PCDHGA5: variants seen among roughly 807,000 people sequenced by gnomAD.
PCDHGA5 encodes protocadherin gamma subfamily A, 5.
PCDHGA5 carries 36 observed loss-of-function variants against 56.7 expected under a neutral mutation model. That is an observed-to-expected ratio of 0.64 (90% CI 0.49 to 0.84). The LOEUF (loss-of-function observed/expected upper bound fraction) is 0.84. Among genes scored for constraint, PCDHGA5 ranks in the 40% least tolerant of loss-of-function variants. The pLI is 0.00. For synonymous variants in PCDHGA5, 563 were observed against 520.2 expected (o/e 1.08, Z -1.12); for missense variants, 1,305 against 1,201.5 (o/e 1.09, Z -1.27).
At chr5:141,410,697 T>G in intron 1 of PCDHGA5, 1 of 1,489,152 alleles carries the variant, frequency 6.7e-7, no homozygotes, top group Non-Finnish European at 9.0e-7. Context: ...TACTTTATTT[T>G]CATATCTAGA....
intron 1 of PCDHGA5, among the ~76,000 whole-genome samples, chr5:141,449,229 A>G (rs1356585763): frequency 1.3e-5 from 2 of 152,142 alleles, no homozygotes; most frequent in South Asian, 2.1e-4. Context: ...AATGATTTCA[A>G]ATTTTCAAAG....
At chr5:141,492,468 G>A (rs927514972) in intron 1 of PCDHGA5, among the ~76,000 whole-genome samples, 1 of 152,232 alleles carries the variant, frequency 6.6e-6, no homozygotes, top group Admixed American at 6.5e-5. Flanking sequence ...GAGGGTCCCA[G>A]ATCGCGGCCG....
rs568123995 is a variant in PCDHGA5 at position 141,511,539 on chromosome 5, C to G, written c.*366C>G. The G allele has an allele frequency of 3.0e-5, 10 of 328,342 alleles. No individual in the cohort carries two copies. The highest frequency in any genetic ancestry group is 2.1e-4 in the African/African-American group (10 of 47,452). The allele number at this position is 328,342 out of a possible 1,614,324, so 20.3% of individuals were successfully genotyped here. ...CATCCCATGCCTCCCTCCTCCCCAC[C>G]CCACTCCAACAGTTCCTCTTTCCCG... On this transcript the variant is annotated 3_prime_UTR_variant, in exon 4 of 4. Transcript: ENST00000518069.
intron 1 of PCDHGA5, among the ~76,000 whole-genome samples, chr5:141,480,693 G>C (rs1488899685): frequency 2.6e-5 from 4 of 152,096 alleles, no homozygotes; most frequent in Non-Finnish European, 5.9e-5. Context: ...CTGAAACCCA[G>C]GCCACACCCC....
chr5:141,415,269 G>T, intron 1 of PCDHGA5: 1 of 1,614,228 alleles, frequency 6.2e-7, no homozygotes, highest in African/African-American at 1.3e-5. Flanking sequence ...TGTACCTGGT[G>T]GTAGCGGTGG....
chr5:141,505,405 C>T lies in PCDHGA5; in HGVS notation c.2493C>T (p.Gly831=), dbSNP rs745516568. 2.5e-6 allele frequency: 4 copies of T among 1,614,130 alleles called. No individual in the cohort carries two copies. The highest frequency in any genetic ancestry group is 3.3e-4 in the Middle Eastern group (2 of 6,062). ...QRPGTSGSQN[G]DDTGTWPNNQ... ...ACTCTCTCCCCAGCTCCCAAAATGG[C>T]GATGACACCGGCACCTGGCCCAACA... Residue 831 remains glycine (G), a synonymous_variant, in exon 3 of 4, where the codon GGC becomes GGT. Transcript: ENST00000518069.
At position 141,413,874 on chromosome 5, in the gene PCDHGA5, T is replaced by G. The variant is rs1371905896; in HGVS notation, c.2421+47123T>G. ...TCCGATCTGGCACTGTCCTTGTCAG[T>G]GTGACTGTCTTCGATGCAAATGACA... is the stretch of plus-strand genomic sequence containing the variant. On this transcript the variant is annotated intron_variant, in intron 1 of 3. Coordinates refer to ENST00000518069, the MANE Select transcript of PCDHGA5 (RefSeq NM_018918.3). 6 of 1,613,306 alleles carry G rather than the reference T, an allele frequency of 3.7e-6. No homozygotes were observed. In the African/African-American group the frequency reaches 8.0e-5, roughly 22 times the overall value.
intron 1 of PCDHGA5, chr5:141,415,094 A>T: frequency 1.9e-6 from 3 of 1,613,530 alleles, no homozygotes; most frequent in Non-Finnish European, 2.5e-6. Flanking sequence ...CTGGACAGAG[A>T]CGCGCTCAAG....
At position 141,490,208 on chromosome 5, in the gene PCDHGA5, G is replaced by A. The variant is rs745796427; in HGVS notation, c.2422-4599G>A. On this transcript the variant is annotated intron_variant, in intron 1 of 3. Coordinates refer to ENST00000518069, the MANE Select transcript of PCDHGA5 (RefSeq NM_018918.3). The surrounding 1 kb of genome is among the most constrained non-coding windows in gnomAD (Gnocchi z 5.4). ...TTCTATGAAATTCATGCAAGAGCCC[G>A]TGACCAGGGACAGCCTGCCATGGAG... 44 of 1,614,120 alleles carry A rather than the reference G, an allele frequency of 2.7e-5. No individual in the cohort carries two copies. The Admixed American group carries it at 4.5e-4, about 17-fold the overall frequency.
intron 1 of PCDHGA5, among the ~76,000 whole-genome samples, chr5:141,433,805 C>T (rs1325364387): frequency 1.3e-5 from 2 of 150,004 alleles, no homozygotes; most frequent in South Asian, 4.2e-4. Flanking sequence ...CCATTGCACT[C>T]CAGCCTGGGC....
rs375665864 is a variant in PCDHGA5, at chr5:141,469,524, A to G, written c.2422-25283A>G. Among the ~76,000 whole-genome samples the G allele has an allele frequency of 2.4e-4, 36 of 152,260 alleles. No homozygotes were observed. The East Asian group carries it at 3.1e-3, about 13-fold the overall frequency. On this transcript the variant is annotated intron_variant, in intron 1 of 3. Coordinates refer to ENST00000518069, the MANE Select transcript of PCDHGA5 (RefSeq NM_018918.3). ...CGGGAGGTGGAGGTTGCAGTGAGCCAAGATTGTGCCACTGCACTCCAGCCT... is the reference window on the plus strand; with the variant it reads ...CGGGAGGTGGAGGTTGCAGTGAGCCGAGATTGTGCCACTGCACTCCAGCCT...
chr5:141,431,189 G>A lies in PCDHGA5; in HGVS notation c.2422-63618G>A. 2 of 1,614,208 alleles carry A rather than the reference G, an allele frequency of 1.2e-6. No homozygotes were observed. The highest frequency in any genetic ancestry group is 1.7e-6 in the Non-Finnish European group (2 of 1,180,036). On this transcript the variant is annotated intron_variant, in intron 1 of 3. Transcript: ENST00000518069. This position sits in a 1 kb window ranked among gnomAD's most constrained non-coding sequence, Gnocchi z 4.8. ...AAGTGAATTAGAAATAAAAATTAGT[G>A]AAAATGCAGCCACTGAGATGCGGTT...
chr5:141,421,395 G>A (rs2096569109), intron 1 of PCDHGA5: 1 of 1,613,950 alleles, frequency 6.2e-7, no homozygotes, highest in Admixed American at 1.7e-5. Flanking sequence ...TGGGGCTGGA[G>A]CCCCGGGAGC....
At position 141,499,673 on chromosome 5, in the gene PCDHGA5, C is replaced by A. The variant is rs1193484216; in HGVS notation, c.2480+4808C>A. Among the ~76,000 whole-genome samples the A allele has an allele frequency of 2.7e-5, 4 of 150,550 alleles. No individual in the cohort carries two copies. In the East Asian group the frequency reaches 7.8e-4, roughly 29 times the overall value. On this transcript the variant is annotated intron_variant, in intron 2 of 3. Transcript: ENST00000518069. ...CATATAATTTCATCTTGGTCTCCACCATCTTTAACAGATGACTTTTTTTTT... is the reference window on the plus strand; with the variant it reads ...CATATAATTTCATCTTGGTCTCCACAATCTTTAACAGATGACTTTTTTTTT...
rs370603640 is a variant in PCDHGA5, at chr5:141,365,604, T to A, written c.1274T>A (p.Met425Lys). Reference sequence around the variant, plus strand: ...GATTATAATATCACTTTAACCGTCATGGACCATGGAACCCCGCCCCTCTCT... The same window carrying A: ...GATTATAATATCACTTTAACCGTCAAGGACCATGGAACCCCGCCCCTCTCT... The part of the protein sequence containing the change: ...TSDYNITLTV[M>K]DHGTPPLSTE... Residue 425 changes from methionine (M) to lysine (K), a missense_variant, in exon 1 of 4, where the codon ATG (methionine) becomes AAG (lysine). Coordinates refer to ENST00000518069, the MANE Select transcript of PCDHGA5 (RefSeq NM_018918.3). 2.5e-6 allele frequency: 4 copies of A among 1,613,672 alleles called. No individual in the cohort carries two copies. The South Asian group carries it at 4.4e-5, about 18-fold the overall frequency.
At chr5:141,395,586 G>C (rs1222744910) in intron 1 of PCDHGA5, 1 of 169,736 alleles carries the variant, frequency 5.9e-6, no homozygotes, top group African/African-American at 2.8e-5. Context: ...GTGTGTGTGT[G>C]TGTGTATCCC....
chr5:141,434,455 G>A (rs2097695575), intron 1 of PCDHGA5, among the ~76,000 whole-genome samples: 1 of 152,192 alleles, frequency 6.6e-6, no homozygotes, highest in Admixed American at 6.5e-5. Context: ...GAAGGTAGTG[G>A]GTTTACCGGA....
intron 1 of PCDHGA5, among the ~76,000 whole-genome samples, chr5:141,472,352 T>G (rs1364883510): frequency 6.6e-6 from 1 of 151,718 alleles, no homozygotes; most frequent in Non-Finnish European, 1.5e-5. Context: ...CCATCCTGGC[T>G]AACACGGTGA....
intron 1 of PCDHGA5, chr5:141,371,902 C>T: frequency 6.2e-7 from 1 of 1,613,404 alleles, no homozygotes; most frequent in Non-Finnish European, 8.5e-7. Flanking sequence ...GAGCTGTCGT[C>T]CTACGTGTCC....
Sources: gnomAD v4.1 joint callset for allele counts (sites outside exome capture counted in the v4.1 genomes callset) on GRCh38, gnomAD v4.1.1 for gene constraint, Gnocchi (gnomAD v3.1) non-coding constraint, MANE v1.5 for transcripts, NCBI Gene and HGNC (gene_info 2026-07-23, HGNC 2026-07-21) for gene names.